DNAH3: variants seen among roughly 807,000 people sequenced by gnomAD.
The protein encoded by DNAH3 is dynein axonemal heavy chain 3.
A neutral mutation model predicts 432.5 loss-of-function variants in DNAH3; 332 were observed. The ratio of observed to expected loss-of-function variants is 0.77; its 90% CI spans 0.70 to 0.84. The LOEUF (loss-of-function observed/expected upper bound fraction) is 0.84, where lower values mean the gene tolerates loss of function less well. Ranked by LOEUF, DNAH3 falls within the 40% of genes least tolerant of loss-of-function variation. DNAH3 has a pLI of 0.00. For missense variants in DNAH3, 4,861 were observed against 5,114.0 expected, an observed-to-expected ratio of 0.95 and a Z score of 1.51; for synonymous variants, 1,956 against 1,900.2, an observed-to-expected ratio of 1.03 and a Z score of -0.76.
chr16:20,947,460 A>G (rs1436396879), intron 57 of DNAH3, among the ~76,000 whole-genome samples: 1 of 152,186 alleles, frequency 6.6e-6, no homozygotes, highest in African/African-American at 2.4e-5. Context: ...GAGAACCCCA[A>G]CGTGAAGCTG....
rs1324581953 is a variant in DNAH3 at position 20,951,419 on chromosome 16, C to G, written c.11188+1014G>C. On this transcript the variant is annotated intron_variant, in intron 56 of 61. Transcript: ENST00000261383. ...TGCCCTTCTACTTATAAATGTTTCTCTTGTTGAACTTATTACTATGTTACC... is the reference window on the plus strand; with the variant it reads ...TGCCCTTCTACTTATAAATGTTTCTGTTGTTGAACTTATTACTATGTTACC... Among the ~76,000 whole-genome samples, 9 of 151,588 alleles carry G rather than the reference C, an allele frequency of 5.9e-5. No individual in the cohort carries two copies. In the East Asian group the frequency reaches 1.6e-3, roughly 26 times the overall value.
At chr16:21,144,605 A>G (rs1048426838) in intron 3 of DNAH3, among the ~76,000 whole-genome samples, 2 of 152,222 alleles carry the variant, frequency 1.3e-5, no homozygotes, top group Non-Finnish European at 2.9e-5. Context: ...ATTGTAAGAT[A>G]ACAAATACTG....
chr16:21,157,283 A>C (rs1337723038), intron 1 of DNAH3, among the ~76,000 whole-genome samples: 1 of 151,200 alleles, frequency 6.6e-6, no homozygotes, highest in East Asian at 1.9e-4. Flanking sequence ...TAAGTTCTCG[A>C]CAGCCACAGC....
At chr16:20,980,162 G>GAA (rs10667143) in intron 49 of DNAH3, among the ~76,000 whole-genome samples, 324 of 124,048 alleles carry the variant, frequency 2.6e-3, no homozygotes, top group East Asian at 0.024. Flanking sequence ...TGACTTTGTA[G>GAA]AAAAAAAAAT....
chr16:21,034,614 C>G (rs527253936), intron 35 of DNAH3, among the ~76,000 whole-genome samples: 50 of 152,266 alleles, frequency 3.3e-4, no homozygotes, highest in African/African-American at 1.2e-3. Context: ...TGGTCATTTG[C>G]ATTTATGTGA....
chr16:21,024,852 A>G, intron 38 of DNAH3, 151 bp from the exon 39 acceptor site: 1 of 663,336 alleles, frequency 1.5e-6, no homozygotes, highest in Non-Finnish European at 2.7e-6. Context: ...CCCACGTTGA[A>G]TCTTGTGTTC....
At chr16:21,040,768 AC>A (rs2089408467) in intron 32 of DNAH3, among the ~76,000 whole-genome samples, 1 of 152,106 alleles carries the variant, frequency 6.6e-6, no homozygotes, top group Non-Finnish European at 1.5e-5. Flanking sequence ...GACTAACTTT[AC>A]CCTCTTCATA....
At chr16:21,019,560 G>A (rs957784922) in intron 41 of DNAH3, 64 bp downstream of exon 41, 27 of 1,581,098 alleles carry the variant, frequency 1.7e-5, no homozygotes, top group Middle Eastern at 3.5e-4. Flanking sequence ...GCACATTCTG[G>A]TTGTGTTTAG....
At chr16:20,952,183 G>GT (rs1316462217) in intron 56 of DNAH3, among the ~76,000 whole-genome samples, 1 of 152,164 alleles carries the variant, frequency 6.6e-6, no homozygotes, top group Non-Finnish European at 1.5e-5. Flanking sequence ...CCGCTGGCCT[G>GT]TATCATTTTT....
intron 18 of DNAH3, among the ~76,000 whole-genome samples, chr16:21,089,808 T>C (rs1216705565): frequency 2.0e-5 from 3 of 146,878 alleles, no homozygotes; most frequent in East Asian, 4.0e-4. Flanking sequence ...AGGAAGGAAA[T>C]GATAAAAATA....
exon 28 of DNAH3, chr16:21,054,427 A>G (rs2090063449): frequency 6.2e-7 from 1 of 1,613,826 alleles, no homozygotes; most frequent in Non-Finnish European, 8.5e-7. Context: ...TACCGTGGAC[A>G]TCGATGACCG....
At chr16:21,139,776 CTTTTTTTT>C (rs71275930) in intron 5 of DNAH3, among the ~76,000 whole-genome samples, 9 of 86,230 alleles carry the variant, frequency 1.0e-4, no homozygotes, top group South Asian at 4.8e-4. Flanking sequence ...CCACCTCATT[CTTTTTTTT>C]TTTTTTTTTT....
intron 16 of DNAH3, among the ~76,000 whole-genome samples, chr16:21,102,015 G>T (rs532942349): frequency 1.1e-4 from 17 of 152,238 alleles, no homozygotes; most frequent in Non-Finnish European, 2.4e-4. Flanking sequence ...TGCAGAGGAA[G>T]CAAGATTGTT....
Position 20,933,473 on chromosome 16 carries a change from G to A in DNAH3, c.12032C>T (p.Pro4011Leu). Reference sequence around the variant, plus strand: ...CCCTTTGATGTAGGCCCCATCTTCGGGGTTATTCTCCATCACTGTTTCTTG... The same window carrying A: ...CCCTTTGATGTAGGCCCCATCTTCGAGGTTATTCTCCATCACTGTTTCTTG... The change falls in exon 62 of 62, where the codon CCC becomes CTC. Residue 4011 changes from proline to leucine, a missense_variant. Transcript: ENST00000261383. The A allele has an allele frequency of 2.5e-6, 4 of 1,608,542 alleles. No homozygotes were observed. The highest frequency in any genetic ancestry group is 3.4e-6 in the Non-Finnish European group (4 of 1,176,856).
In DNAH3 at chr16:21,042,194, GC is replaced by G; in HGVS notation, c.4470del (p.Leu1491CysfsTer19). 1 of 1,601,942 alleles carries G rather than the reference GC, an allele frequency of 6.2e-7. No homozygotes were observed. Among genetic ancestry groups the G allele is most frequent in the Non-Finnish European group, 8.5e-7 (1 of 1,174,660 alleles). ...AGGATCTGCTGAGCGACCACAGACA[GC>G]ACTTCTACCTGGGGTGAGAATGCCC... On this transcript the variant is annotated frameshift_variant, in exon 32 of 62. Coordinates refer to ENST00000261383, the Ensembl canonical transcript of DNAH3. LOFTEE classifies it high-confidence loss of function.
At chr16:21,124,995 C>G (rs2092418408) in intron 9 of DNAH3, among the ~76,000 whole-genome samples, 180 bp downstream of exon 10, 1 of 152,122 alleles carries the variant, frequency 6.6e-6, no homozygotes, top group Admixed American at 6.6e-5. Context: ...CATTCAATAT[C>G]CTTCTTCCAG....
chr16:21,146,043 GC>G lies in DNAH3; in HGVS notation c.162del (p.Gln55SerfsTer31), dbSNP rs1158654191. 2.5e-6 allele frequency: 4 copies of G among 1,613,850 alleles called. No individual in the cohort carries two copies. Among genetic ancestry groups the G allele is most frequent in the Non-Finnish European group, 3.4e-6 (4 of 1,179,864 alleles). ...GCAGGCAGAGGAGGCAGCTCTGGCT[GC>G]CCCTGGGAGTGGCTCATGTGATGTA... On this transcript the variant is annotated frameshift_variant, in exon 2 of 62. Transcript: ENST00000261383. LOFTEE classifies it high-confidence loss of function.
chr16:21,050,158 A>G (rs1368617791), intron 29 of DNAH3, 140 bp from the exon 30 acceptor site: 1 of 641,766 alleles, frequency 1.6e-6, no homozygotes, highest in Admixed American at 3.0e-5. Context: ...AGTAATGCTA[A>G]AAGCCGCGAT....
intron 41 of DNAH3, chr16:21,019,009 A>G (rs1039847124): frequency 9.9e-5 from 15 of 152,202 alleles, no homozygotes; most frequent in African/African-American, 3.6e-4. Context: ...ACAAGTGTCT[A>G]TATTTCTCAT....
Sources: gnomAD v4.1 joint callset for allele counts (sites outside exome capture counted in the v4.1 genomes callset) on GRCh38, gnomAD v4.1.1 for gene constraint, MANE v1.5 for transcripts, NCBI Gene and HGNC (gene_info 2026-07-23, HGNC 2026-07-21) for gene names.